The following RBM27 variants were observed in gnomAD, a reference collection of about 807,000 sequenced individuals.
RBM27 encodes RNA-binding protein 27.
In RBM27, 22 loss-of-function variants were observed where a neutral mutation model predicts 135.3. The observed-to-expected ratio is 0.16, with a 90% CI of 0.12 to 0.23. The LOEUF is 0.23. RBM27 is among the 10% of genes least tolerant of loss of function. The probability of loss-of-function intolerance (pLI) is 1.00; values close to 1 mark genes in which losing one functional copy is unlikely to be tolerated. For missense variants in RBM27, 1,009 were observed against 1,281.0 expected, an observed-to-expected ratio of 0.79 and a Z score of 3.24; for synonymous variants, 481 against 442.4, an observed-to-expected ratio of 1.09 and a Z score of -1.10.
At chr5:146,219,404 T>A (rs542849715) in intron 2 of RBM27, among the ~76,000 whole-genome samples, 1 of 152,336 alleles carries the variant, frequency 6.6e-6, no homozygotes, top group African/African-American at 2.4e-5. Flanking sequence ...AGTTTAAGGA[T>A]AATGAAGATG....
At chr5:146,235,646 G>A (rs1382456570) in intron 7 of RBM27, among the ~76,000 whole-genome samples, 1 of 149,134 alleles carries the variant, frequency 6.7e-6, no homozygotes, top group South Asian at 2.1e-4. Flanking sequence ...ACATGTTGTT[G>A]TTTTTTTTTA....
intron 11 of RBM27, among the ~76,000 whole-genome samples, chr5:146,259,979 C>CAAAAAAAAA (rs34781548): frequency 7.1e-4 from 25 of 35,288 alleles, no homozygotes; most frequent in African/African-American, 3.9e-3. Flanking sequence ...GACTCCGTCT[C>CAAAAAAAAA]AAAAAAAAAA....
At chr5:146,276,113 G>T (rs1759082079) in intron 19 of RBM27, among the ~76,000 whole-genome samples, 1 of 150,906 alleles carries the variant, frequency 6.6e-6, no homozygotes, top group South Asian at 2.1e-4. Flanking sequence ...GTTACTTCTT[G>T]ATTTCTAAAT....
intron 1 of RBM27, among the ~76,000 whole-genome samples, chr5:146,207,624 C>T (rs1755747217): frequency 6.6e-6 from 1 of 150,976 alleles, no homozygotes; most frequent in Non-Finnish European, 1.5e-5. Flanking sequence ...CATCTTGTCC[C>T]TAGTGAAACA....
chr5:146,259,024 G>A (rs566886193), intron 11 of RBM27, among the ~76,000 whole-genome samples: 5 of 152,106 alleles, frequency 3.3e-5, no homozygotes, highest in African/African-American at 1.2e-4. Flanking sequence ...GCCTCCCAAG[G>A]TGCTGGGATT....
intron 19 of RBM27, 133 bp downstream of exon 19, chr5:146,271,807 T>C (rs1758879023): frequency 2.8e-6 from 2 of 711,286 alleles, no homozygotes; most frequent in East Asian, 5.6e-5. Flanking sequence ...TACTACCAAA[T>C]GCCTATTTAA....
intron 19 of RBM27, among the ~76,000 whole-genome samples, chr5:146,283,521 G>C (rs1759453299): frequency 6.6e-6 from 1 of 151,636 alleles, no homozygotes; most frequent in Admixed American, 6.6e-5. Context: ...CTGGGAATCA[G>C]AGCAAGACCC....
intron 19 of RBM27, among the ~76,000 whole-genome samples, chr5:146,274,534 G>T (rs1224698916): frequency 6.6e-6 from 1 of 152,184 alleles, no homozygotes; most frequent in Non-Finnish European, 1.5e-5. Context: ...CTCCCAAAGT[G>T]CTGGGATTAC....
intron 6 of RBM27, 134 bp downstream of exon 6, chr5:146,231,051 T>A: frequency 3.6e-6 from 4 of 1,105,834 alleles, no homozygotes; most frequent in South Asian, 1.7e-5. Context: ...AGACAGAGTC[T>A]TGCTCTGTCA....
chr5:146,204,244 C>T (rs1009224767), intron 1 of RBM27, among the ~76,000 whole-genome samples: 14 of 152,034 alleles, frequency 9.2e-5, no homozygotes, highest in South Asian at 2.1e-4. Flanking sequence ...ATTATTATTC[C>T]GGGACTGAAA....
chr5:146,217,052 T>G (rs1756225662), intron 1 of RBM27, among the ~76,000 whole-genome samples: 1 of 151,808 alleles, frequency 6.6e-6, no homozygotes, highest in Non-Finnish European at 1.5e-5. Context: ...CTGCAACCTC[T>G]GCCTCCCGGG....
chr5:146,251,342 A>T (rs913297707), intron 8 of RBM27, among the ~76,000 whole-genome samples: 8 of 152,244 alleles, frequency 5.3e-5, no homozygotes, highest in Admixed American at 2.0e-4. Context: ...TCATACCTGC[A>T]TATCTCATTG....
At chr5:146,282,860 G>A (rs141365581) in intron 19 of RBM27, among the ~76,000 whole-genome samples, 40 of 152,222 alleles carry the variant, frequency 2.6e-4, no homozygotes, top group South Asian at 4.1e-4. Flanking sequence ...TAACTTGGTA[G>A]CGTCATAATA....
rs774146717 is a variant in RBM27 at position 146,255,075 on chromosome 5, T to C, written c.1577T>C (p.Met526Thr). ...PNLIGLTSGD[M>T]DVNPRAANIV... The stretch of plus-strand genomic sequence containing the variant: ...CTGATTGGCCTAACATCTGGAGATA[T>C]GGATGTAAATCCAAGAGGTGAGAAT... Residue 526 changes from methionine to threonine, a missense_variant, in exon 10 of 21, where the codon ATG becomes ACG. Around this residue, in one of 6 missense-constraint regions of RBM27, gnomAD observed 329 missense variants for 368.1 expected, o/e 0.89. Transcript: ENST00000265271. The C allele has an allele frequency of 8.8e-5, 142 of 1,612,202 alleles. No individual in the cohort carries two copies. Among genetic ancestry groups the C allele is most frequent in the East Asian group, 2.9e-4 (13 of 44,828 alleles).
At chr5:146,259,866 G>T (rs937806466) in intron 11 of RBM27, among the ~76,000 whole-genome samples, 2 of 150,480 alleles carry the variant, frequency 1.3e-5, no homozygotes, top group African/African-American at 4.9e-5. Flanking sequence ...CCAGCTACTC[G>T]GGAGGCTGAG....
Position 146,229,854 on chromosome 5 carries a change from G to A in RBM27, c.533G>A (p.Arg178His), listed in dbSNP as rs372052707. The change falls in exon 5 of 21, where the codon CGC (arginine) becomes CAC (histidine). Residue 178 changes from arginine (R) to histidine (H), a missense_variant. Coordinates refer to ENST00000265271, the MANE Select transcript of RBM27 (RefSeq NM_018989.2). ...KSRSKSRGLS[R>H]SRSRSRGRSK... ...CGGAGTAAGAGTCGAGGCCTGAGTC[G>A]CAGTAGAAGCCGAAGTAGGGGGCGC... 1.8e-5 allele frequency: 29 copies of A among 1,613,816 alleles called. No individual in the cohort carries two copies. Among genetic ancestry groups the A allele is most frequent in the East Asian group, 1.8e-4 (8 of 44,894 alleles).
At chr5:146,232,240 T>G (rs939090561) in intron 6 of RBM27, among the ~76,000 whole-genome samples, 1 of 152,102 alleles carries the variant, frequency 6.6e-6, no homozygotes, top group Non-Finnish European at 1.5e-5. Flanking sequence ...AATGCATACG[T>G]TTTTACATTT....
At chr5:146,277,549 G>A (rs1759144643) in intron 19 of RBM27, among the ~76,000 whole-genome samples, 1 of 139,506 alleles carries the variant, frequency 7.2e-6, no homozygotes, top group African/African-American at 2.7e-5. Flanking sequence ...TTGAGACGGA[G>A]TCTTGCTGTG....
intron 3 of RBM27, among the ~76,000 whole-genome samples, chr5:146,227,870 T>C (rs1320868529): frequency 2.6e-5 from 4 of 152,270 alleles, no homozygotes; most frequent in African/African-American, 7.2e-5. Context: ...TTCCATAGTT[T>C]ACATGAATTA....
Sources: gnomAD v4.1 joint callset for allele counts (sites outside exome capture counted in the v4.1 genomes callset) on GRCh38, gnomAD v4.1.1 for gene constraint, gnomAD v4.1.1 regional missense constraint, MANE v1.5 for transcripts, NCBI Gene and HGNC (gene_info 2026-07-23, HGNC 2026-07-21) for gene names.